Variants in TTC12 observed in about 807,000 individuals in gnomAD.
TTC12 encodes the protein tetratricopeptide repeat domain 12, also known as tetratricopeptide repeat protein 12.
TTC12 carries 70 observed loss-of-function variants against 90.1 expected under a neutral mutation model. That is an observed-to-expected ratio of 0.78 (90% CI 0.64 to 0.95). The LOEUF (loss-of-function observed/expected upper bound fraction) is 0.95, where lower values mean the gene tolerates loss of function less well. Among genes scored for constraint, TTC12 ranks in the 40% least tolerant of loss-of-function variants. The pLI is 0.00. For missense variants in TTC12, 819 were observed against 846.1 expected (o/e 0.97, Z 0.40); for synonymous variants, 296 against 311.5 (o/e 0.95, Z 0.53).
rs373201658 is a variant in TTC12, at chr11:113,340,414, G to A, written c.827-250G>A. Among the ~76,000 whole-genome samples the A allele has an allele frequency of 5.9e-5, 9 of 152,322 alleles. 1 individual carries two copies. Among genetic ancestry groups the A allele is most frequent in the East Asian group, 5.8e-4 (3 of 5,190 alleles). ...TGATGAGCTGTGCAGATAGCCCTCG[G>A]GGCCACCCCAGCTCTGCTCTCCTTC... On this transcript the variant is annotated intron_variant, in intron 10 of 21. Transcript: ENST00000529221.
chr11:113,351,158 A>G, intron 14 of TTC12, 81 bp from the exon 15 acceptor site: 2 of 1,351,790 alleles, frequency 1.5e-6, no homozygotes, highest in Non-Finnish European at 2.1e-6. Flanking sequence ...AGAGTTTGCA[A>G]CATTAACTAT....
At chr11:113,370,126 C>T (rs1950342744), downstream of TTC12, among the ~76,000 whole-genome samples, 1 of 152,220 alleles carries the variant, frequency 6.6e-6, no homozygotes, top group Admixed American at 6.5e-5. Flanking sequence ...AGCAGCGCTC[C>T]TTGTCAGGGC....
intron 10 of TTC12, 58 bp from the exon 11 acceptor site, chr11:113,340,606 C>T (rs1948626195): frequency 1.5e-6 from 2 of 1,364,636 alleles, no homozygotes; most frequent in Middle Eastern, 3.6e-4. Flanking sequence ...TGTGTTGCAG[C>T]GAGACACCAG....
chr11:113,341,048 G>A (rs1488574873), intron 11 of TTC12, among the ~76,000 whole-genome samples: 3 of 152,160 alleles, frequency 2.0e-5, no homozygotes, highest in Non-Finnish European at 4.4e-5. Flanking sequence ...TGGCCAACAT[G>A]GTGAAACCCC....
intron 21 of TTC12, 88 bp downstream of exon 21, chr11:113,365,148 C>T: frequency 1.7e-6 from 2 of 1,175,094 alleles, no homozygotes; most frequent in Admixed American, 3.8e-5. Context: ...CTGCATGCCA[C>T]ACAGAACAGT....
At chr11:113,323,195 A>G (rs1301839368) in intron 2 of TTC12, 93 bp from the exon 3 acceptor site, 8 of 998,564 alleles carry the variant, frequency 8.0e-6, no homozygotes, top group Non-Finnish European at 1.1e-5. Context: ...TTTCTTTAAG[A>G]TCTTTCCCAT....
intron 13 of TTC12, among the ~76,000 whole-genome samples, chr11:113,346,452 T>C (rs1294853776): frequency 1.3e-5 from 2 of 152,146 alleles, no homozygotes; most frequent in Non-Finnish European, 2.9e-5. Context: ...ATTGGTGCGG[T>C]GGCTTAAAGA....
chr11:113,315,119 G>T (rs1275637422), intron 1 of TTC12: 1 of 150,284 alleles, frequency 6.7e-6, no homozygotes, highest in Non-Finnish European at 1.5e-5. Context: ...CCTCTGTTCC[G>T]TGGGAGTTGA....
At chr11:113,335,354 A>G (rs782013637) in intron 8 of TTC12, among the ~76,000 whole-genome samples, 1 of 152,180 alleles carries the variant, frequency 6.6e-6, no homozygotes, top group Non-Finnish European at 1.5e-5. Flanking sequence ...CAGATCAGTC[A>G]ACCTGTCTAT....
downstream of TTC12, among the ~76,000 whole-genome samples, chr11:113,369,678 C>G (rs988272483): frequency 1.3e-5 from 2 of 152,148 alleles, no homozygotes; most frequent in Non-Finnish European, 2.9e-5. Flanking sequence ...TAAGTGTGAC[C>G]TGCAGAAAAG....
chr11:113,369,321 A>G (rs1458752010), downstream of TTC12, among the ~76,000 whole-genome samples: 1 of 152,070 alleles, frequency 6.6e-6, no homozygotes, highest in Non-Finnish European at 1.5e-5. Context: ...GTGTTTCACC[A>G]TGTTGACCAG....
chr11:113,319,632 T>A (rs1555137346), intron 2 of TTC12, among the ~76,000 whole-genome samples: 1 of 151,506 alleles, frequency 6.6e-6, no homozygotes, highest in African/African-American at 2.4e-5. Context: ...TTCCAAAGTT[T>A]ACGTGGAAGA....
Position 113,316,223 on chromosome 11 carries a change from C to T in TTC12, c.-15-20C>T. 7.8e-7 allele frequency: 1 copy of T among 1,280,454 alleles called. No individual in the cohort carries two copies. The highest frequency in any genetic ancestry group is 1.0e-6 in the Non-Finnish European group (1 of 963,992). 79.3% of individuals were successfully genotyped at this position (1,280,454 alleles called of 1,614,324 possible). A position where few individuals can be genotyped will look rare whatever the true frequency, so the allele number is the denominator to read the frequency against. ...AGTGCTTTATTATTATTAATTTCACCATTATGCTGCATCCCTTAGGGATTC... is the reference window on the plus strand; with the variant it reads ...AGTGCTTTATTATTATTAATTTCACTATTATGCTGCATCCCTTAGGGATTC... On this transcript the variant is annotated intron_variant, in intron 1 of 21. Transcript: ENST00000529221.
intron 4 of TTC12, chr11:113,324,231 T>G (rs1241451153): frequency 1.8e-6 from 1 of 555,412 alleles, no homozygotes; most frequent in African/African-American, 1.9e-5. Flanking sequence ...GTAAACTCAA[T>G]TCAGTTATTC....
chr11:113,357,915 C>G (rs1393004196), intron 16 of TTC12, among the ~76,000 whole-genome samples: 1 of 152,174 alleles, frequency 6.6e-6, no homozygotes, highest in Non-Finnish European at 1.5e-5. Context: ...TCACTCATGC[C>G]AACAGCAGCA....
chr11:113,331,072 C>T (rs1395273689), intron 7 of TTC12, among the ~76,000 whole-genome samples: 3 of 152,166 alleles, frequency 2.0e-5, no homozygotes, highest in African/African-American at 7.2e-5. Flanking sequence ...AGAAAGTCAC[C>T]TCTGCTTATA....
At chr11:113,343,852 A>C (rs1474609850) in intron 12 of TTC12, among the ~76,000 whole-genome samples, 1 of 152,188 alleles carries the variant, frequency 6.6e-6, no homozygotes, top group Non-Finnish European at 1.5e-5. Flanking sequence ...CCGTTGTATG[A>C]ATATTGATGG....
At chr11:113,356,293 T>C (rs551881372) in intron 16 of TTC12, among the ~76,000 whole-genome samples, 2 of 152,330 alleles carry the variant, frequency 1.3e-5, no homozygotes, top group East Asian at 3.9e-4. Context: ...ATTTGCTTAG[T>C]AGATTTTTCT....
chr11:113,321,990 C>A (rs1282427050), intron 2 of TTC12, among the ~76,000 whole-genome samples: 1 of 152,108 alleles, frequency 6.6e-6, no homozygotes, highest in Non-Finnish European at 1.5e-5. Context: ...TTGTTTCAAA[C>A]CACTAAGTTT....
Sources: allele counts gnomAD v4.1 joint callset (sites outside exome capture counted in the v4.1 genomes callset), GRCh38; gene constraint gnomAD v4.1.1; transcripts MANE v1.5; gene names NCBI Gene and HGNC (gene_info 2026-07-23, HGNC 2026-07-21).